Variants in MGST1 observed in about 807,000 individuals in gnomAD.
MGST1 encodes glutathione S-transferase 12.
MGST1 carries 5 observed loss-of-function variants against 8.9 expected under a neutral mutation model. The observed-to-expected ratio is 0.56, with a 90% CI of 0.29 to 1.19. MGST1 has a LOEUF of 1.19. Ranked by LOEUF, MGST1 falls within the 50% of genes most tolerant of loss-of-function variation. The probability of loss-of-function intolerance (pLI) is 0.08; values close to 1 mark genes in which losing one functional copy is unlikely to be tolerated. For missense variants in MGST1, 182 were observed against 187.4 expected, an observed-to-expected ratio of 0.97 and a Z score of 0.17; for synonymous variants, 54 against 67.8, an observed-to-expected ratio of 0.80 and a Z score of 1.00.
At chr12:16,457,102 A>G (rs1424446916) in intron 4 of MGST1, among the ~76,000 whole-genome samples, 1 of 151,958 alleles carries the variant, frequency 6.6e-6, no homozygotes, top group Non-Finnish European at 1.5e-5. Context: ...AGAGAGACTC[A>G]TGGTTTCTGC....
chr12:16,550,443 A>G (rs1941946927), intron 4 of MGST1: 1 of 152,510 alleles, frequency 6.6e-6, no homozygotes, highest in South Asian at 2.1e-4. Context: ...GTAAGTAAAG[A>G]GCACACAAAA....
intron 1 of MGST1, among the ~76,000 whole-genome samples, chr12:16,393,317 G>A (rs183715849): frequency 6.6e-6 from 1 of 152,190 alleles, no homozygotes; most frequent in Non-Finnish European, 1.5e-5. Context: ...ATATGAAAGA[G>A]AAGCAGCTTT....
At chr12:16,396,100 T>A (rs1016932908) in intron 1 of MGST1, among the ~76,000 whole-genome samples, 7 of 152,114 alleles carry the variant, frequency 4.6e-5, no homozygotes, top group Admixed American at 4.6e-4. Context: ...TTTCACTGCA[T>A]CCACGCCAAC....
At position 16,457,547 on chromosome 12, in the gene MGST1, G is replaced by A. The variant is rs187515877; in HGVS notation, n.482+73943G>A. Among the ~76,000 whole-genome samples the A allele has an allele frequency of 1.8e-3, 275 of 152,052 alleles. 2 individuals carry two copies. Among genetic ancestry groups the A allele is most frequent in the African/African-American group, 6.4e-3 (267 of 41,520 alleles). On this transcript the variant is annotated intron_variant and non_coding_transcript_variant, in intron 4 of 4. Coordinates refer to the MGST1 transcript ENST00000538857. ...TTTTTCTTTTTGGCTGTGTGTGTGAGTGTAATACACTTTATATATTAGCAT... is the reference window on the plus strand; with the variant it reads ...TTTTTCTTTTTGGCTGTGTGTGTGAATGTAATACACTTTATATATTAGCAT...
Position 16,582,029 on chromosome 12 carries a change from TA to T in MGST1, n.483-7496del, listed in dbSNP as rs1340905544. On this transcript the variant is annotated intron_variant and non_coding_transcript_variant, in intron 4 of 4. Transcript: ENST00000538857. This position sits in a 1 kb window ranked among gnomAD's most constrained non-coding sequence, Gnocchi z 4.1. ...ACATTGGCTAGACCCTTTAAAACAT[TA>T]AATATGAGGGACAATAATGAGTATC... is the stretch of plus-strand genomic sequence containing the variant. Among the ~76,000 whole-genome samples, 36 of 152,212 alleles carry T rather than the reference TA, an allele frequency of 2.4e-4. No individual in the cohort carries two copies. Among genetic ancestry groups the T allele is most frequent in the African/African-American group, 8.0e-4 (33 of 41,478 alleles).
chr12:16,578,766 C>T (rs879504187), intron 4 of MGST1, among the ~76,000 whole-genome samples: 3 of 151,606 alleles, frequency 2.0e-5, no homozygotes, highest in Non-Finnish European at 2.9e-5. Flanking sequence ...TGCAGTGAGC[C>T]GAGATCGAGC....
At chr12:16,390,126 A>G (rs1940537255) in intron 1 of MGST1, among the ~76,000 whole-genome samples, 1 of 152,172 alleles carries the variant, frequency 6.6e-6, no homozygotes, top group Non-Finnish European at 1.5e-5. Flanking sequence ...CTGGTTAGGA[A>G]ATGTAATAGA....
rs532944910 is a variant in MGST1, at chr12:16,538,587, G to A, written n.483-50941G>A. 2.6e-5 allele frequency among the ~76,000 whole-genome samples: 4 copies of A among 151,266 alleles called. No homozygotes were observed. The South Asian group carries it at 6.3e-4, about 24-fold the overall frequency. On this transcript the variant is annotated intron_variant and non_coding_transcript_variant, in intron 4 of 4. Coordinates refer to the MGST1 transcript ENST00000538857. ...ATGGCTGGGGAGGCTTCAGAATCAT[G>A]GCAAGAGATGAAAGGCACTTCTTTT...
rs751887270 is a variant in MGST1, at chr12:16,357,574, A to G, written c.127-31A>G. 1.9e-6 allele frequency: 3 copies of G among 1,568,586 alleles called. No individual in the cohort carries two copies. The East Asian group carries it at 6.7e-5, about 35-fold the overall frequency. ...AGCTATTGCTCCTGGCCAGTATTTG[A>G]AATAAGTTTTTTTTCTTGGTATTTG... On this transcript the variant is annotated intron_variant, in intron 2 of 3. Coordinates refer to ENST00000396210, the MANE Select transcript of MGST1 (RefSeq NM_020300.5).
intron 2 of MGST1, 52 bp from the exon 3 acceptor site, chr12:16,357,553 A>C (rs1300173923): frequency 7.3e-6 from 10 of 1,367,682 alleles, no homozygotes; most frequent in Non-Finnish European, 1.0e-5. Context: ...GGTGTGAGCT[A>C]TTGCTCCTGG....
At chr12:16,545,071 T>TA (rs1394885636) in intron 4 of MGST1, among the ~76,000 whole-genome samples, 3 of 152,074 alleles carry the variant, frequency 2.0e-5, no homozygotes, top group African/African-American at 7.2e-5. Flanking sequence ...TAAGTATATT[T>TA]AAAAAATGGC....
chr12:16,466,162 C>T (rs1368886251), intron 4 of MGST1, among the ~76,000 whole-genome samples: 7 of 152,120 alleles, frequency 4.6e-5, no homozygotes, highest in East Asian at 1.9e-4. Flanking sequence ...TTTAGAGACA[C>T]GTCATTTCTG....
intron 1 of MGST1, among the ~76,000 whole-genome samples, chr12:16,351,535 C>T (rs1939465617): frequency 6.6e-6 from 1 of 152,078 alleles, no homozygotes; most frequent in Admixed American, 6.6e-5. Flanking sequence ...GGGGGCCAGG[C>T]ATGGTGGCTC....
intron 1 of MGST1, among the ~76,000 whole-genome samples, chr12:16,419,536 C>T (rs565167484): frequency 2.0e-5 from 3 of 152,232 alleles, no homozygotes; most frequent in South Asian, 4.1e-4. Flanking sequence ...AATTACCATG[C>T]TATCTGTAAG....
At chr12:16,550,042 T>C (rs1941929680) in intron 4 of MGST1, 1 of 152,020 alleles carries the variant, frequency 6.6e-6, no homozygotes, top group Non-Finnish European at 1.5e-5. Context: ...CAGAAAAATA[T>C]ATAATCACTA....
At chr12:16,426,380 G>C (rs1005685420) in intron 1 of MGST1, among the ~76,000 whole-genome samples, 1 of 152,102 alleles carries the variant, frequency 6.6e-6, no homozygotes, top group Non-Finnish European at 1.5e-5. Flanking sequence ...AAACTCAAAG[G>C]ACAATTCATT....
intron 1 of MGST1, among the ~76,000 whole-genome samples, chr12:16,415,548 A>G (rs1024407346): frequency 9.2e-5 from 14 of 152,334 alleles, no homozygotes; most frequent in Admixed American, 7.2e-4. Flanking sequence ...ACCCACTTCT[A>G]CTTAATAGAT....
chr12:16,499,348 T>C (rs1941490146), intron 4 of MGST1, among the ~76,000 whole-genome samples: 1 of 152,112 alleles, frequency 6.6e-6, no homozygotes, highest in Admixed American at 6.5e-5. Flanking sequence ...TTTCAGGCAG[T>C]CTCTCTCTTC....
intron 1 of MGST1, among the ~76,000 whole-genome samples, chr12:16,433,549 G>A (rs78009720): frequency 0.019 from 2,922 of 152,152 alleles, 94 homozygotes; most frequent in African/African-American, 0.067. Flanking sequence ...ATTCAGAGGA[G>A]TATAAGCCTT....
Sources: gnomAD v4.1 joint callset for allele counts (sites outside exome capture counted in the v4.1 genomes callset) on GRCh38, gnomAD v4.1.1 for gene constraint, Gnocchi (gnomAD v3.1) non-coding constraint, MANE v1.5 for transcripts, NCBI Gene and HGNC (gene_info 2026-07-23, HGNC 2026-07-21) for gene names.